The following INTS8 variants were observed in gnomAD, a reference collection of about 807,000 sequenced individuals.
INTS8 encodes protein kaonashi-1.
A neutral mutation model predicts 138.9 loss-of-function variants in INTS8; 47 were observed. That is an observed-to-expected ratio of 0.34 (90% CI 0.27 to 0.43). The LOEUF is 0.43. INTS8 is among the 20% of genes least tolerant of loss of function. The probability of loss-of-function intolerance (pLI) is 1.00; values close to 1 mark genes in which losing one functional copy is unlikely to be tolerated. For synonymous variants in INTS8, 392 were observed against 400.9 expected (o/e 0.98, Z 0.27); for missense variants, 996 against 1,173.0 (o/e 0.85, Z 2.20).
chr8:94,864,027 G>A (rs1260944365), intron 16 of INTS8, among the ~76,000 whole-genome samples: 1 of 152,126 alleles, frequency 6.6e-6, no homozygotes, highest in Non-Finnish European at 1.5e-5. Context: ...GAATGTCCTC[G>A]TCCTTAGAAG....
intron 10 of INTS8, among the ~76,000 whole-genome samples, chr8:94,846,191 A>AT (rs890125316): frequency 3.3e-5 from 5 of 151,978 alleles, no homozygotes; most frequent in Non-Finnish European, 7.4e-5. Context: ...TTCTATTCAT[A>AT]TTTTTTTCCA....
chr8:94,823,316 C>A lies in INTS8; in HGVS notation c.-116C>A. On this transcript the variant is annotated 5_prime_UTR_variant, in exon 1 of 27. Transcript: ENST00000523731. ...TTTTGGATTGTGTGAGTTTCCGGGA[C>A]GTTCGGAGGGTGGCCTCTCTCCCAC... 1 of 1,520,322 alleles carries A rather than the reference C, an allele frequency of 6.6e-7. No homozygotes were observed. The allele number at this position is 1,520,322 out of a possible 1,614,324, so 94.2% of individuals were successfully genotyped here. A position where few individuals can be genotyped will look rare whatever the true frequency, so the allele number is the denominator to read the frequency against.
intron 8 of INTS8, 38 bp from the exon 9 acceptor site, chr8:94,841,453 A>G (rs1815129536): frequency 5.8e-6 from 6 of 1,041,748 alleles, no homozygotes; most frequent in Non-Finnish European, 8.6e-6. Context: ...CTTTACCATG[A>G]TTTTTGAAAT....
At chr8:94,868,010 A>G (rs935900059) in intron 20 of INTS8, among the ~76,000 whole-genome samples, 4 of 152,144 alleles carry the variant, frequency 2.6e-5, no homozygotes, top group Non-Finnish European at 5.9e-5. Context: ...AATTTTTTGT[A>G]TGTCTCATCT....
chr8:94,841,712 A>T, intron 9 of INTS8, 121 bp downstream of exon 9: 1 of 613,554 alleles, frequency 1.6e-6, no homozygotes, highest in Non-Finnish European at 2.9e-6. Flanking sequence ...TGTTGTTAAT[A>T]TAAGGGAAAT....
chr8:94,871,917 C>A lies in INTS8; in HGVS notation c.2448C>A (p.Ile816=), dbSNP rs146581077. The part of the protein sequence containing the change: ...LQSVDFEAVA[I]TVKELVRYTL... ...CTGTGGACTTTGAAGCTGTGGCAAT[C>A]ACAGTGAAAGAGCTAGTTCGATATA... Residue 816 remains isoleucine (I), a synonymous_variant, in exon 21 of 27, where the codon ATC becomes ATA. Coordinates refer to ENST00000523731, the MANE Select transcript of INTS8 (RefSeq NM_017864.4). The A allele has an allele frequency of 2.6e-5, 42 of 1,606,334 alleles. No homozygotes were observed. The highest frequency in any genetic ancestry group is 3.2e-5 in the Non-Finnish European group (38 of 1,173,826).
At chr8:94,854,195 T>A (rs1200283526) in intron 14 of INTS8, among the ~76,000 whole-genome samples, 1 of 144,424 alleles carries the variant, frequency 6.9e-6, no homozygotes, top group Non-Finnish European at 1.5e-5. Context: ...GACAGAGTGA[T>A]AGTCCATCTC....
In INTS8 at chr8:94,876,334, A is replaced by G. The variant is rs201426170; in HGVS notation, c.2827+49A>G. The stretch of plus-strand genomic sequence containing the variant: ...ATGTTAGAATGATCCATTTTTATAA[A>G]TTAAAGGAATATTTAATATTGTATA... On this transcript the variant is annotated intron_variant, in intron 25 of 26. Coordinates refer to ENST00000523731, the MANE Select transcript of INTS8 (RefSeq NM_017864.4). 3.2e-5 allele frequency: 48 copies of G among 1,486,770 alleles called. No homozygotes were observed. The East Asian group carries it at 1.1e-3, about 34-fold the overall frequency. The allele number at this position is 1,486,770 out of a possible 1,614,324, so 92.1% of individuals were successfully genotyped here.
intron 26 of INTS8, among the ~76,000 whole-genome samples, chr8:94,877,798 A>G (rs541595788): frequency 2.4e-4 from 37 of 152,192 alleles, no homozygotes; most frequent in African/African-American, 8.2e-4. Context: ...CCCATAACCT[A>G]TCCTTCTCTT....
intron 13 of INTS8, among the ~76,000 whole-genome samples, chr8:94,853,287 G>C (rs1815618766): frequency 6.6e-6 from 1 of 152,146 alleles, no homozygotes; most frequent in Non-Finnish European, 1.5e-5. Flanking sequence ...ACTCCAGCCT[G>C]GGTGACGGAG....
intron 6 of INTS8, among the ~76,000 whole-genome samples, chr8:94,834,362 GGT>G (rs35147334): frequency 0.41 from 59,262 of 144,264 alleles, 12,107 homozygotes; most frequent in East Asian, 0.75. Context: ...TATGTGCATG[GGT>G]GTGTGTGTGT....
At chr8:94,848,232 G>A (rs2131027163) in intron 10 of INTS8, among the ~76,000 whole-genome samples, 1 of 151,886 alleles carries the variant, frequency 6.6e-6, no homozygotes, top group East Asian at 1.9e-4. Context: ...AGGCTGATCT[G>A]GAACTCTTGA....
At chr8:94,864,365 C>G (rs1816100761) in intron 16 of INTS8, among the ~76,000 whole-genome samples, 1 of 152,116 alleles carries the variant, frequency 6.6e-6, no homozygotes, top group Non-Finnish European at 1.5e-5. Context: ...GCACCCTCTA[C>G]AAGAGCGATG....
At chr8:94,872,182 G>A (rs1289576470) in intron 21 of INTS8, among the ~76,000 whole-genome samples, 180 bp downstream of exon 21, 1 of 151,834 alleles carries the variant, frequency 6.6e-6, no homozygotes, top group African/African-American at 2.4e-5. Context: ...TGGTTCAGAT[G>A]CTTTTAACTT....
At chr8:94,878,818 T>G (rs1816670670) in intron 26 of INTS8, among the ~76,000 whole-genome samples, 1 of 152,234 alleles carries the variant, frequency 6.6e-6, no homozygotes, top group Non-Finnish European at 1.5e-5. Context: ...TTTTCCTGAT[T>G]ACATCTCCTT....
Position 94,836,433 on chromosome 8 carries a change from G to T in INTS8, c.754-91G>T. 3 of 912,772 alleles carry T rather than the reference G, an allele frequency of 3.3e-6. No individual in the cohort carries two copies. In the Admixed American group the frequency reaches 7.1e-5, roughly 22 times the overall value. The allele number at this position is 912,772 out of a possible 1,614,324, so 56.5% of individuals were successfully genotyped here. On this transcript the variant is annotated intron_variant, in intron 6 of 26. Coordinates refer to ENST00000523731, the MANE Select transcript of INTS8 (RefSeq NM_017864.4). The stretch of plus-strand genomic sequence containing the variant: ...TGTGTTTTTTTATGTCTTTTTTTCT[G>T]TGTTTTCGTGAGATAAAGACAGTTT...
In INTS8 at chr8:94,862,578, G is replaced by A. The variant is rs185829979; in HGVS notation, c.2077-2928G>A. Among the ~76,000 whole-genome samples, 30 of 152,320 alleles carry A rather than the reference G, an allele frequency of 2.0e-4. 2 individuals carry two copies. The highest frequency in any genetic ancestry group is 1.1e-3 in the Admixed American group (17 of 15,302). On this transcript the variant is annotated intron_variant, in intron 16 of 26. Transcript: ENST00000523731. ...TGTTGGTTGCCTAACTCTGGGAGAG[G>A]CTGTCTCACTGCTTCCTGCAGTTCC...
chr8:94,850,679 T>C (rs1586496812), intron 12 of INTS8, among the ~76,000 whole-genome samples: 3 of 151,586 alleles, frequency 2.0e-5, no homozygotes, highest in African/African-American at 7.3e-5. Flanking sequence ...GCCAGTATGT[T>C]CATGGAGGTA....
At position 94,851,115 on chromosome 8, in the gene INTS8, T is replaced by G. The variant is rs76261460; in HGVS notation, c.1508-438T>G. On this transcript the variant is annotated intron_variant, in intron 12 of 26. Transcript: ENST00000523731. The stretch of plus-strand genomic sequence containing the variant: ...ATTTTGGTAATCATTTTTGGTTCTC[T>G]GGGAAGAGCATGCCCCTTTCTCTCA... Among the ~76,000 whole-genome samples, 543 of 152,336 alleles carry G rather than the reference T, an allele frequency of 3.6e-3. 3 individuals are homozygous for G. The highest frequency in any genetic ancestry group is 0.013 in the African/African-American group (522 of 41,572).
Sources: gnomAD v4.1 joint callset for allele counts (sites outside exome capture counted in the v4.1 genomes callset) on GRCh38, gnomAD v4.1.1 for gene constraint, MANE v1.5 for transcripts, NCBI Gene and HGNC (gene_info 2026-07-23, HGNC 2026-07-21) for gene names.